The following ERCC5 variants were observed in gnomAD, a reference collection of about 807,000 sequenced individuals.
The protein encoded by ERCC5 is ERCC excision repair 5, endonuclease.
A neutral mutation model predicts 105.6 loss-of-function variants in ERCC5; 68 were observed. The ratio of observed to expected loss-of-function variants is 0.64; its 90% CI spans 0.53 to 0.79. The LOEUF (loss-of-function observed/expected upper bound fraction) is 0.79, where lower values mean the gene tolerates loss of function less well. Ranked by LOEUF, ERCC5 falls within the 30% of genes least tolerant of loss-of-function variation. The pLI, the probability that ERCC5 is intolerant of heterozygous loss-of-function variation, is 0.00. For synonymous variants in ERCC5, 546 were observed against 526.2 expected (o/e 1.04, Z -0.51); for missense variants, 1,373 against 1,426.7 (o/e 0.96, Z 0.61).
chr13:102,848,496 C>T (rs770493375), intron 1 of ERCC5, among the ~76,000 whole-genome samples: 1 of 152,014 alleles, frequency 6.6e-6, no homozygotes, highest in Non-Finnish European at 1.5e-5. Context: ...TTGTAATATG[C>T]GTTTAAGTGT....
intron 5 of ERCC5, among the ~76,000 whole-genome samples, chr13:102,856,878 A>ATTTTCT (rs1882443999): frequency 6.6e-6 from 1 of 152,208 alleles, no homozygotes; most frequent in African/African-American, 2.4e-5. Flanking sequence ...CCCAAGAGAA[A>ATTTTCT]GTTCTAAGCA....
At position 102,866,297 on chromosome 13, in the gene ERCC5, A is replaced by G; in HGVS notation, c.2235A>G (p.Ala745=). ...ELETLESNLL[A]QQNSLKAQKQ... ...AAACTCTGGAGAGCAACCTCTTAGCACAGCAGAATTCACTGAAAGCTCAAA... is the reference window on the plus strand; with the variant it reads ...AAACTCTGGAGAGCAACCTCTTAGCGCAGCAGAATTCACTGAAAGCTCAAA... Residue 745 remains alanine (A), a synonymous_variant, in exon 10 of 15, where the codon GCA becomes GCG. Coordinates refer to ENST00000652225, the MANE Select transcript of ERCC5 (RefSeq NM_000123.4). 1 of 1,614,250 alleles carries G rather than the reference A, an allele frequency of 6.2e-7. No individual in the cohort carries two copies. Among genetic ancestry groups the G allele is most frequent in the Non-Finnish European group, 8.5e-7 (1 of 1,180,032 alleles).
intron 6 of ERCC5, among the ~76,000 whole-genome samples, chr13:102,860,693 T>C (rs1412956311): frequency 6.6e-6 from 1 of 152,198 alleles, no homozygotes; most frequent in Non-Finnish European, 1.5e-5. Context: ...GGAGGTGATA[T>C]CTGTTTCATA....
chr13:102,872,769 A>T (rs890871698), intron 13 of ERCC5, among the ~76,000 whole-genome samples: 2 of 152,216 alleles, frequency 1.3e-5, no homozygotes, highest in African/African-American at 2.4e-5. Context: ...ATAAGCAGTG[A>T]TAAGCATTCA....
intron 11 of ERCC5, among the ~76,000 whole-genome samples, chr13:102,867,621 G>A (rs1253622992): frequency 6.6e-6 from 1 of 152,194 alleles, no homozygotes; most frequent in African/African-American, 2.4e-5. Flanking sequence ...ACCCACCAGG[G>A]TCTGGTGTGC....
At chr13:102,873,429 T>G in intron 14 of ERCC5, 86 bp downstream of exon 14, 2 of 1,442,210 alleles carry the variant, frequency 1.4e-6, no homozygotes. Context: ...ACTCTTATTT[T>G]GGGGCATAGA....
chr13:102,858,986 G>A lies in ERCC5; in HGVS notation c.672+568G>A, dbSNP rs73573944. ...CCCTTGCCCTCTTCCTGGACAGTGC[G>A]AATGGGGCTTCTTCACCTTGGAACA... is the stretch of plus-strand genomic sequence containing the variant. On this transcript the variant is annotated intron_variant, in intron 6 of 14. Coordinates refer to ENST00000652225, the MANE Select transcript of ERCC5 (RefSeq NM_000123.4). 1,256 of 452,122 alleles carry A rather than the reference G, an allele frequency of 2.8e-3. 15 individuals are homozygous for A. Among genetic ancestry groups the A allele is most frequent in the African/African-American group, 0.023 (1,171 of 49,972 alleles). The allele number at this position is 452,122 out of a possible 1,614,324, so 28.0% of individuals were successfully genotyped here. A position where few individuals can be genotyped will look rare whatever the true frequency, so the allele number is the denominator to read the frequency against.
In ERCC5 at chr13:102,852,639, G is replaced by A. The variant is rs542669013; in HGVS notation, c.264+346G>A. 2.3e-3 allele frequency among the ~76,000 whole-genome samples: 353 copies of A among 152,226 alleles called. 1 individual carries two copies. Among genetic ancestry groups the A allele is most frequent in the Admixed American group, 5.3e-3 (81 of 15,280 alleles). ...AGAACACTGTGGAAACCCTCTTTTG[G>A]GAAGTGCCTCCCTGAATCTGAGATC... is the stretch of plus-strand genomic sequence containing the variant. On this transcript the variant is annotated intron_variant, in intron 2 of 14. Coordinates refer to ENST00000652225, the MANE Select transcript of ERCC5 (RefSeq NM_000123.4).
intron 1 of ERCC5, among the ~76,000 whole-genome samples, chr13:102,847,346 C>T (rs1165206763): frequency 6.9e-6 from 1 of 144,872 alleles, no homozygotes; most frequent in African/African-American, 2.6e-5. Context: ...TCTGGTGATA[C>T]CTTACACCAA....
At position 102,846,423 on chromosome 13, in the gene ERCC5, C is replaced by T. The variant is rs950836077; in HGVS notation, c.88+69C>T. On this transcript the variant is annotated intron_variant, in intron 1 of 14. Coordinates refer to ENST00000652225, the MANE Select transcript of ERCC5 (RefSeq NM_000123.4). ...GGCTGGATTCCTCGCGGGGCTCTGC[C>T]TTGGGCACAGTGGCATCTGCAGGAT... is the stretch of plus-strand genomic sequence containing the variant. 4 of 1,393,170 alleles carry T rather than the reference C, an allele frequency of 2.9e-6. No individual in the cohort carries two copies. The East Asian group carries it at 7.0e-5, about 24-fold the overall frequency. 86.3% of individuals were successfully genotyped at this position (1,393,170 alleles called of 1,614,324 possible).
chr13:102,874,254 C>T (rs920566139), intron 14 of ERCC5, among the ~76,000 whole-genome samples: 5 of 152,060 alleles, frequency 3.3e-5, no homozygotes, highest in Non-Finnish European at 5.9e-5. Flanking sequence ...TCATTAGTTA[C>T]CTCCTCTAAT....
chr13:102,867,059 C>A (rs1184570484), intron 11 of ERCC5, among the ~76,000 whole-genome samples: 2 of 152,036 alleles, frequency 1.3e-5, no homozygotes, highest in Non-Finnish European at 2.9e-5. Context: ...GGTAGTTAAT[C>A]AACTGACTTA....
In ERCC5 at chr13:102,868,348, G is replaced by A. The variant is rs4150343; in HGVS notation, c.2678+91G>A. 6.4e-3 allele frequency: 9,719 copies of A among 1,528,386 alleles called. 492 individuals are homozygous for A. In the African/African-American group the frequency reaches 0.11, roughly 18 times the overall value. 94.7% of individuals were successfully genotyped at this position (1,528,386 alleles called of 1,614,324 possible). On this transcript the variant is annotated intron_variant, in intron 12 of 14. Transcript: ENST00000652225. ...TATTTACAGCATGAACTGTCATGCT[G>A]TAACATGTGAACAATGGTTCACTGA...
intron 4 of ERCC5, 124 bp from the exon 5 acceptor site, chr13:102,855,928 G>A: frequency 2.2e-6 from 2 of 915,770 alleles, no homozygotes; most frequent in Non-Finnish European, 3.6e-6. Context: ...GACCAGTAGT[G>A]GCACAGATCT....
Position 102,862,111 on chromosome 13 carries a change from T to G in ERCC5, c.962T>G (p.Val321Gly), listed in dbSNP as rs745543040. Residue 321 changes from valine to glycine, a missense_variant, in exon 8 of 15, where the codon GTG (valine) becomes GGG (glycine). By Grantham distance (109) the Val-to-Gly change is moderately radical (BLOSUM62 -3). Coordinates refer to ENST00000652225, the MANE Select transcript of ERCC5 (RefSeq NM_000123.4). Reference sequence around the variant, plus strand: ...AAAATGCACGGCATGTCTTTTGACGTGAAGTCATCTCCATGTGAAAAACTG... The same window carrying G: ...AAAATGCACGGCATGTCTTTTGACGGGAAGTCATCTCCATGTGAAAAACTG... ...SSKMHGMSFD[V>G]KSSPCEKLKT... is the part of the protein sequence containing the mutation. The G allele has an allele frequency of 5.0e-5, 81 of 1,614,070 alleles. No homozygotes were observed. The highest frequency in any genetic ancestry group is 6.5e-5 in the Non-Finnish European group (77 of 1,180,032).
Position 102,875,263 on chromosome 13 carries a change from T to G in ERCC5, c.2965-44T>G, listed in dbSNP as rs761913420. The G allele has an allele frequency of 1.3e-5, 21 of 1,593,502 alleles. No individual in the cohort carries two copies. In the Admixed American group the frequency reaches 2.9e-4, roughly 22 times the overall value. ...GTTGATTTGGTTTAGAAACTTGACT[T>G]ACTTGTCTGATTTATTATTATTATT... On this transcript the variant is annotated intron_variant, in intron 14 of 14. Transcript: ENST00000652225.
intron 1 of ERCC5, among the ~76,000 whole-genome samples, chr13:102,851,113 T>C (rs1207943408): frequency 6.6e-6 from 1 of 152,364 alleles, no homozygotes; most frequent in Admixed American, 6.5e-5. Context: ...TATTTTGGTA[T>C]GTGAACTAGT....
In ERCC5 at chr13:102,865,953, C is replaced by T; in HGVS notation, c.2199+42C>T. ...GTGTTTCGACTTCTTGCTGAGGAAG[C>T]CAGGTTAAGTAGGTTTTGAGTTTTA... On this transcript the variant is annotated intron_variant, in intron 9 of 14. Transcript: ENST00000652225. This position sits in a 1 kb window ranked among gnomAD's most constrained non-coding sequence, Gnocchi z 4.0. 6.2e-7 allele frequency: 1 copy of T among 1,613,438 alleles called. No homozygotes were observed. Among genetic ancestry groups the T allele is most frequent in the East Asian group, 2.2e-5 (1 of 44,872 alleles).
rs1882234766 is a variant in ERCC5, at chr13:102,852,268, C to T, written c.239C>T (p.Ala80Val). The change falls in exon 2 of 15, where the codon GCT (alanine) becomes GTT (valine). Residue 80 changes from alanine to valine, a missense_variant. By Grantham distance (64) the Ala-to-Val change is moderately conservative. Coordinates refer to ENST00000652225, the MANE Select transcript of ERCC5 (RefSeq NM_000123.4). ...CCTATTTTTGTGTTTGATGGGGATGCTCCACTATTGAAGAAACAGACTTTG... is the reference window on the plus strand; with the variant it reads ...CCTATTTTTGTGTTTGATGGGGATGTTCCACTATTGAAGAAACAGACTTTG... ...IRPIFVFDGD[A>V]PLLKKQTLVK... 10 of 1,614,056 alleles carry T rather than the reference C, an allele frequency of 6.2e-6. No individual in the cohort carries two copies. Among genetic ancestry groups the T allele is most frequent in the Non-Finnish European group, 8.5e-6 (10 of 1,180,006 alleles).
Sources: gnomAD v4.1 joint callset for allele counts (sites outside exome capture counted in the v4.1 genomes callset) on GRCh38, gnomAD v4.1.1 for gene constraint, Gnocchi (gnomAD v3.1) non-coding constraint, MANE v1.5 for transcripts, NCBI Gene and HGNC (gene_info 2026-07-23, HGNC 2026-07-21) for gene names.